Variants in TECTA observed in about 807,000 individuals in gnomAD.
TECTA encodes the protein alpha-tectorin.
TECTA carries 128 observed loss-of-function variants against 216.8 expected under a neutral mutation model. That is an observed-to-expected ratio of 0.59 (90% CI 0.51 to 0.68). TECTA has a LOEUF of 0.68. TECTA is among the 30% of genes least tolerant of loss of function. TECTA has a pLI of 0.00. For synonymous variants in TECTA, 1,089 were observed against 1,117.1 expected, an observed-to-expected ratio of 0.97 and a Z score of 0.50; for missense variants, 2,551 against 2,786.2, an observed-to-expected ratio of 0.92 and a Z score of 1.90.
At chr11:121,154,213 CTCCTTT>C in intron 13 of TECTA, among the ~76,000 whole-genome samples, 1 of 152,164 alleles carries the variant, frequency 6.6e-6, no homozygotes, top group African/African-American at 2.4e-5. Flanking sequence ...TAAATAATAT[CTCCTTT>C]TTGTAAAGAT....
At chr11:121,131,105 T>G (rs747276676) in intron 10 of TECTA, among the ~76,000 whole-genome samples, 1 of 150,114 alleles carries the variant, frequency 6.7e-6, no homozygotes, top group Non-Finnish European at 1.5e-5. Flanking sequence ...TCCCAACTAT[T>G]TGGAAGGCTG....
chr11:121,140,545 T>C (rs139824361), intron 11 of TECTA, among the ~76,000 whole-genome samples: 1 of 152,170 alleles, frequency 6.6e-6, no homozygotes, highest in Non-Finnish European at 1.5e-5. Flanking sequence ...TACCACAGAC[T>C]GGGCGGCCTA....
At chr11:121,107,160 G>A (rs1448458579) in intron 3 of TECTA, among the ~76,000 whole-genome samples, 2 of 152,182 alleles carry the variant, frequency 1.3e-5, no homozygotes, top group Non-Finnish European at 2.9e-5. Context: ...GTCTGTCTTT[G>A]TAATAGCTGG....
At chr11:121,164,313 T>G (rs1947029804) in intron 16 of TECTA, among the ~76,000 whole-genome samples, 1 of 152,212 alleles carries the variant, frequency 6.6e-6, no homozygotes, top group Non-Finnish European at 1.5e-5. Flanking sequence ...TCTGCATCCT[T>G]TTAAAACTCT....
intron 15 of TECTA, among the ~76,000 whole-genome samples, chr11:121,161,257 C>T (rs975164468): frequency 6.6e-6 from 1 of 152,130 alleles, no homozygotes; most frequent in African/African-American, 2.4e-5. Flanking sequence ...CCAATCTCTT[C>T]CTTTCCTAGG....
Position 121,145,562 on chromosome 11 carries a change from G to C in TECTA, c.3551G>C (p.Ser1184Thr). 3 of 1,614,218 alleles carry C rather than the reference G, an allele frequency of 1.9e-6. 1 individual carries two copies. The South Asian group carries it at 3.3e-5, about 18-fold the overall frequency. ...TCATCTCTCCTCTTACAGGTCAACA[G>C]TGAACGGCTCTATCTGCCCCTGAAG... ...RAYKHTVLVN[S>T]ERLYLPLKLG... The change falls in exon 12 of 24, where the codon AGT (serine) becomes ACT (threonine). Residue 1184 changes from serine to threonine, a missense_variant. Coordinates refer to ENST00000392793, the MANE Select transcript of TECTA (RefSeq NM_005422.4).
rs1051104632 is a variant in TECTA, at chr11:121,127,183, T to C, written c.1775-569T>C. ...GAAACAGCCACACAAATTCTTTGAA[T>C]TCTTTGGAGGTAGCCAGGGCGCTTT... On this transcript the variant is annotated intron_variant, in intron 8 of 23. Transcript: ENST00000392793. The surrounding 1 kb of genome is among the most constrained non-coding windows in gnomAD (Gnocchi z 5.0). 1.8e-4 allele frequency among the ~76,000 whole-genome samples: 28 copies of C among 152,212 alleles called. No homozygotes were observed. Among genetic ancestry groups the C allele is most frequent in the African/African-American group, 6.5e-4 (27 of 41,432 alleles).
rs1946385502 is a variant in TECTA, at chr11:121,105,888, T to C, written c.122T>C (p.Val41Ala). 1.2e-6 allele frequency: 2 copies of C among 1,614,200 alleles called. No individual in the cohort carries two copies. The highest frequency in any genetic ancestry group is 1.1e-5 in the South Asian group (1 of 91,086). The change falls in exon 3 of 24, where the codon GTA (valine) becomes GCA (alanine). Residue 41 changes from valine to alanine, a missense_variant. Val to Ala is a moderately conservative substitution (Grantham distance 64). Transcript: ENST00000392793. This position sits in a 1 kb window ranked among gnomAD's most constrained non-coding sequence, Gnocchi z 5.3. ...FWQNDTKTPK[V>A]DDGSSSEIKL... ...CAGAATGACACCAAAACCCCTAAAGTAGATGATGGAAGCTCATCTGAGATT... is the reference window on the plus strand; with the variant it reads ...CAGAATGACACCAAAACCCCTAAAGCAGATGATGGAAGCTCATCTGAGATT...
At chr11:121,118,929 A>G (rs1946528248) in intron 7 of TECTA, among the ~76,000 whole-genome samples, 1 of 152,084 alleles carries the variant, frequency 6.6e-6, no homozygotes, top group Non-Finnish European at 1.5e-5. Context: ...TCTCCTCAAC[A>G]TGTCTATCTG....
In TECTA at chr11:121,113,220, C is replaced by G. The variant is rs73599492; in HGVS notation, c.624+11C>G. 10,749 of 1,613,902 alleles carry G rather than the reference C, an allele frequency of 6.7e-3. 597 individuals carry two copies. In the African/African-American group the frequency reaches 0.12, roughly 18 times the overall value. Reference sequence around the variant, plus strand: ...GGAGTGATGGCACAGGTAGGTGGCTCTCCACTTCATCCCCCGCGTGTTTCC... The same window carrying G: ...GGAGTGATGGCACAGGTAGGTGGCTGTCCACTTCATCCCCCGCGTGTTTCC... On this transcript the variant is annotated intron_variant, in intron 5 of 23. Transcript: ENST00000392793. This position sits in a 1 kb window ranked among gnomAD's most constrained non-coding sequence, Gnocchi z 4.2.
intron 10 of TECTA, among the ~76,000 whole-genome samples, chr11:121,132,727 T>A (rs1235511698): frequency 2.0e-5 from 3 of 152,214 alleles, no homozygotes; most frequent in African/African-American, 7.2e-5. Context: ...TTTCCTTTTT[T>A]AATTTTTTTT....
In TECTA at chr11:121,127,431, T is replaced by A. The variant is rs914543790; in HGVS notation, c.1775-321T>A. On this transcript the variant is annotated intron_variant, in intron 8 of 23. Coordinates refer to ENST00000392793, the MANE Select transcript of TECTA (RefSeq NM_005422.4). This position sits in a 1 kb window ranked among gnomAD's most constrained non-coding sequence, Gnocchi z 5.0. Reference sequence around the variant, plus strand: ...TCCATCAGTGGAAGGTCTTAAAATATCTCGGTAGTGTGGATCATCAAATAA... The same window carrying A: ...TCCATCAGTGGAAGGTCTTAAAATAACTCGGTAGTGTGGATCATCAAATAA... 6.6e-6 allele frequency among the ~76,000 whole-genome samples: 1 copy of A among 152,192 alleles called. No homozygotes were observed. Among genetic ancestry groups the A allele is most frequent in the South Asian group, 2.1e-4 (1 of 4,822 alleles).
intron 13 of TECTA, among the ~76,000 whole-genome samples, chr11:121,156,732 C>T (rs1407314309): frequency 6.6e-6 from 1 of 151,562 alleles, no homozygotes; most frequent in Non-Finnish European, 1.5e-5. Context: ...TGGGCTCAAG[C>T]AGTCCTTCCA....
chr11:121,135,280 C>A (rs151191464), intron 10 of TECTA, among the ~76,000 whole-genome samples: 1 of 152,338 alleles, frequency 6.6e-6, no homozygotes, highest in East Asian at 1.9e-4. Flanking sequence ...TTGGCAGAGC[C>A]AGGCTGCCCA....
intron 10 of TECTA, among the ~76,000 whole-genome samples, chr11:121,136,632 A>G (rs1382715018): frequency 6.6e-6 from 1 of 152,108 alleles, no homozygotes; most frequent in Non-Finnish European, 1.5e-5. Flanking sequence ...TGCTAGCTAA[A>G]TGTGGTTCAT....
intron 20 of TECTA, among the ~76,000 whole-genome samples, chr11:121,180,776 T>A (rs1451114308): frequency 6.6e-6 from 1 of 151,988 alleles, no homozygotes; most frequent in Non-Finnish European, 1.5e-5. Context: ...TATGATGTCT[T>A]ATATTTAACA....
chr11:121,162,172 C>A lies in TECTA; in HGVS notation c.5074C>A (p.Leu1692Met), dbSNP rs1591461270. 6.2e-7 allele frequency: 1 copy of A among 1,614,200 alleles called. No individual in the cohort carries two copies. Among genetic ancestry groups the A allele is most frequent in the African/African-American group, 1.3e-5 (1 of 75,056 alleles). ...GAAGATGCAGGGTGATGGCTACTGC[C>A]TGAAGCTCACCGACATGAAGGGCTT... ...IQKMQGDGYC[L>M]KLTDMKGFFQ... The change falls in exon 16 of 24, where the codon CTG becomes ATG. Residue 1692 changes from leucine to methionine, a missense_variant. This residue lies in a region of TECTA where 2,375 missense variants were observed against 2,563.9 expected (regional missense o/e 0.93). Coordinates refer to ENST00000392793, the MANE Select transcript of TECTA (RefSeq NM_005422.4).
intron 20 of TECTA, among the ~76,000 whole-genome samples, chr11:121,174,799 C>T (rs568153208): frequency 7.9e-5 from 12 of 152,056 alleles, no homozygotes; most frequent in Admixed American, 3.3e-4. Flanking sequence ...TGGTAGAATT[C>T]GGCTGTGAAT....
chr11:121,153,843 A>C (rs1193827350), intron 13 of TECTA, among the ~76,000 whole-genome samples: 1 of 152,240 alleles, frequency 6.6e-6, no homozygotes, highest in Non-Finnish European at 1.5e-5. Context: ...TGCCTAGACA[A>C]GGTATTTAGT....
Sources: allele counts gnomAD v4.1 joint callset (sites outside exome capture counted in the v4.1 genomes callset), GRCh38; gene constraint gnomAD v4.1.1; regional missense constraint gnomAD v4.1.1; non-coding constraint Gnocchi (gnomAD v3.1); transcripts MANE v1.5; gene names NCBI Gene and HGNC (gene_info 2026-07-23, HGNC 2026-07-21).